CAMSAP1: variants seen among roughly 807,000 people sequenced by gnomAD.
CAMSAP1 encodes the protein calmodulin-regulated spectrin-associated protein 1.
CAMSAP1 carries 58 observed loss-of-function variants against 143.5 expected under a neutral mutation model. The observed-to-expected ratio is 0.40, with a 90% confidence interval of 0.33 to 0.50. CAMSAP1 has a LOEUF of 0.50. CAMSAP1 is among the 20% of genes least tolerant of loss of function. The pLI, the probability that CAMSAP1 is intolerant of heterozygous loss-of-function variation, is 0.45. For synonymous variants in CAMSAP1, 945 were observed against 859.3 expected (o/e 1.10, Z -1.74); for missense variants, 1,969 against 2,115.7 (o/e 0.93, Z 1.36).
At position 135,824,107 on chromosome 9, in the gene CAMSAP1, T is replaced by C. The variant is rs993661166; in HGVS notation, c.1316-73A>G. On this transcript the variant is annotated intron_variant, in intron 9 of 16. Transcript: ENST00000389532. The surrounding 1 kb of genome is among the most constrained non-coding windows in gnomAD (Gnocchi z 4.1). The stretch of plus-strand genomic sequence containing the variant: ...ACTTGAAATTCTTTCAATATGACCA[T>C]TTGTCCAGAAAAATGCCTCTCAAGT... The C allele has an allele frequency of 5.9e-6, 8 of 1,364,618 alleles. No individual in the cohort carries two copies. In the East Asian group the frequency reaches 1.2e-4, roughly 21 times the overall value. 84.5% of individuals were successfully genotyped at this position (1,364,618 alleles called of 1,614,324 possible). A position where few individuals can be genotyped will look rare whatever the true frequency, so the allele number is the denominator to read the frequency against.
chr9:135,862,278 G>A lies in CAMSAP1; in HGVS notation c.808+189C>T, dbSNP rs966886374. On this transcript the variant is annotated intron_variant, in intron 5 of 16. Transcript: ENST00000389532. Reference sequence around the variant, plus strand: ...ATTTCAAAGTGCAGTTTTGTCATCAGATAAAATGCAGGTTAAGTATGAGCA... The same window carrying A: ...ATTTCAAAGTGCAGTTTTGTCATCAAATAAAATGCAGGTTAAGTATGAGCA... Among the ~76,000 whole-genome samples the A allele has an allele frequency of 4.6e-5, 7 of 150,648 alleles. No homozygotes were observed. In the South Asian group the frequency reaches 6.4e-4, roughly 14 times the overall value.
intron 3 of CAMSAP1, among the ~76,000 whole-genome samples, chr9:135,879,725 C>T (rs929139741): frequency 6.6e-6 from 1 of 151,906 alleles, no homozygotes; most frequent in Non-Finnish European, 1.5e-5. Flanking sequence ...ATTCCCCTCG[C>T]AGGAACGTGG....
At chr9:135,812,147 T>A (rs1835074597) in intron 16 of CAMSAP1, among the ~76,000 whole-genome samples, 1 of 152,114 alleles carries the variant, frequency 6.6e-6, no homozygotes, top group African/African-American at 2.4e-5. Flanking sequence ...ACACTGCATA[T>A]AAATAACAGC....
At chr9:135,874,487 G>C (rs955414982) in intron 3 of CAMSAP1, among the ~76,000 whole-genome samples, 9 of 148,154 alleles carry the variant, frequency 6.1e-5, no homozygotes, top group Admixed American at 2.7e-4. Context: ...AAGGGGGGGG[G>C]GGGCCACAGG....
intron 1 of CAMSAP1, among the ~76,000 whole-genome samples, chr9:135,890,326 C>T (rs1446086033): frequency 6.6e-6 from 1 of 152,134 alleles, no homozygotes. Flanking sequence ...ACAATTCACA[C>T]CTGCGGGAGG....
chr9:135,853,745 C>T (rs907627598), intron 5 of CAMSAP1, among the ~76,000 whole-genome samples: 17 of 152,224 alleles, frequency 1.1e-4, no homozygotes, highest in African/African-American at 3.9e-4. Flanking sequence ...GCTCCCACTA[C>T]CTTCCTCTTG....
In CAMSAP1 at chr9:135,815,102, A is replaced by C; in HGVS notation, c.4501T>G (p.Leu1501Val). ...GGTTGAAACATGATACTTGCCTCCA[A>C]TATGGAATTCTTGTGGGGTTCGTTC... is the stretch of plus-strand genomic sequence containing the variant. ...KVNEPHKNSILEELEKCDANH... is the reference protein window; with the variant it reads ...KVNEPHKNSIVEELEKCDANH... Residue 1501 changes from leucine to valine, a missense_variant, in exon 16 of 17, where the codon TTG becomes GTG. Around this residue, in one of 4 missense-constraint regions of CAMSAP1, gnomAD observed 143 missense variants for 200.6 expected, o/e 0.71. Transcript: ENST00000389532. 4.4e-6 allele frequency: 7 copies of C among 1,605,866 alleles called. No homozygotes were observed. Among genetic ancestry groups the C allele is most frequent in the Non-Finnish European group, 6.0e-6 (7 of 1,172,904 alleles).
Position 135,822,242 on chromosome 9 carries a change from T to C in CAMSAP1, c.2419A>G (p.Met807Val), listed in dbSNP as rs1464360123. ...STASQMSSVS[M>V]ASGSVKMTSF... ...GTCATCTTCACGCTCCCACTCGCCA[T>C]GGAGACACTGCTCATCTGAGAGGCT... Residue 807 changes from methionine to valine, a missense_variant, in exon 11 of 17, where the codon ATG becomes GTG. Met to Val is a conservative substitution (Grantham distance 21). Coordinates refer to ENST00000389532, the MANE Select transcript of CAMSAP1 (RefSeq NM_015447.4). This position sits in a 1 kb window ranked among gnomAD's most constrained non-coding sequence, Gnocchi z 6.1. 27 of 1,613,910 alleles carry C rather than the reference T, an allele frequency of 1.7e-5. No homozygotes were observed. The highest frequency in any genetic ancestry group is 2.2e-5 in the Non-Finnish European group (26 of 1,179,906).
rs188886922 is a variant in CAMSAP1 at position 135,876,599 on chromosome 9, T to G, written c.585+5034A>C. ...CTAGCGGGAGTTCTAAATGGTACAATCACTGGAAAACATTTTGGCAGTTTA... is the reference window on the plus strand; with the variant it reads ...CTAGCGGGAGTTCTAAATGGTACAAGCACTGGAAAACATTTTGGCAGTTTA... On this transcript the variant is annotated intron_variant, in intron 3 of 16. Coordinates refer to ENST00000389532, the MANE Select transcript of CAMSAP1 (RefSeq NM_015447.4). 6.7e-3 allele frequency among the ~76,000 whole-genome samples: 1,016 copies of G among 152,308 alleles called. 5 individuals are homozygous for G. The highest frequency in any genetic ancestry group is 0.01 in the Non-Finnish European group (714 of 68,026).
In CAMSAP1 at chr9:135,818,344, G is replaced by T; in HGVS notation, c.4168+64C>A. The T allele has an allele frequency of 3.4e-6, 5 of 1,477,068 alleles. No homozygotes were observed. Among genetic ancestry groups the T allele is most frequent in the Non-Finnish European group, 4.5e-6 (5 of 1,104,606 alleles). 91.5% of individuals were successfully genotyped at this position (1,477,068 alleles called of 1,614,324 possible). On this transcript the variant is annotated intron_variant, in intron 13 of 16. Transcript: ENST00000389532. This position sits in a 1 kb window ranked among gnomAD's most constrained non-coding sequence, Gnocchi z 7.7. ...CTTGATGACAAAATTGAAATGAGCT[G>T]AAGAACGTGAGGCCGCCGCCCGCGG...
At chr9:135,898,881 T>A (rs1323652816) in intron 1 of CAMSAP1, among the ~76,000 whole-genome samples, 2 of 152,232 alleles carry the variant, frequency 1.3e-5, no homozygotes, top group Non-Finnish European at 1.5e-5. Context: ...AATGAAAACA[T>A]CTGTCCACAT....
At chr9:135,815,761 T>C (rs1436799990) in intron 15 of CAMSAP1, 129 bp downstream of exon 15, 13 of 780,026 alleles carry the variant, frequency 1.7e-5, no homozygotes, top group African/African-American at 3.5e-5. Context: ...TTAGCTCTCT[T>C]TCACTACATC....
intron 16 of CAMSAP1, among the ~76,000 whole-genome samples, chr9:135,812,180 G>A (rs934858891): frequency 6.6e-6 from 1 of 152,192 alleles, no homozygotes; most frequent in South Asian, 2.1e-4. Context: ...CAGGCAAAAA[G>A]TAGAAACGAA....
intron 3 of CAMSAP1, among the ~76,000 whole-genome samples, chr9:135,870,270 G>A (rs751150096): frequency 8.5e-5 from 13 of 152,192 alleles, no homozygotes; most frequent in Non-Finnish European, 1.6e-4. Context: ...CTCACAAGAT[G>A]TGATGGTTTT....
chr9:135,833,315 T>C (rs1400361138), intron 7 of CAMSAP1, among the ~76,000 whole-genome samples: 1 of 152,014 alleles, frequency 6.6e-6, no homozygotes, highest in African/African-American at 2.4e-5. Context: ...TCTCCTGACC[T>C]CGTGATCCGC....
At chr9:135,906,937 G>A (rs1838801567) in intron 1 of CAMSAP1, 63 bp downstream of exon 1, 2 of 914,376 alleles carry the variant, frequency 2.2e-6, no homozygotes, top group South Asian at 4.9e-5. Flanking sequence ...CCGGACCCCG[G>A]CCGCGTCCCC....
At chr9:135,871,905 C>T (rs1270055241) in intron 3 of CAMSAP1, among the ~76,000 whole-genome samples, 2 of 152,082 alleles carry the variant, frequency 1.3e-5, no homozygotes, top group Non-Finnish European at 2.9e-5. Flanking sequence ...GAATTCGAGA[C>T]CAGCCTAAGC....
intron 7 of CAMSAP1, among the ~76,000 whole-genome samples, chr9:135,830,738 T>A (rs545084741): frequency 6.6e-6 from 1 of 152,276 alleles, no homozygotes; most frequent in South Asian, 2.1e-4. Flanking sequence ...AGCAGCAGAA[T>A]ACGTATTTTT....
At chr9:135,831,300 G>A (rs545596469) in intron 7 of CAMSAP1, among the ~76,000 whole-genome samples, 15 of 152,048 alleles carry the variant, frequency 9.9e-5, no homozygotes, top group African/African-American at 1.9e-4. Context: ...TGAATGAAGC[G>A]GAATACAACA....
Sources: allele counts gnomAD v4.1 joint callset (sites outside exome capture counted in the v4.1 genomes callset), GRCh38; gene constraint gnomAD v4.1.1; regional missense constraint gnomAD v4.1.1; non-coding constraint Gnocchi (gnomAD v3.1); transcripts MANE v1.5; gene names NCBI Gene and HGNC (gene_info 2026-07-23, HGNC 2026-07-21).